MPPED2: variants seen among roughly 807,000 people sequenced by gnomAD.
The protein encoded by MPPED2 is metallophosphoesterase MPPED2.
MPPED2 carries 5 observed loss-of-function variants against 33.0 expected under a neutral mutation model. That is an observed-to-expected ratio of 0.15 (90% CI 0.08 to 0.32). The LOEUF is 0.32. MPPED2 is among the 10% of genes least tolerant of loss of function. MPPED2 has a pLI of 1.00. For missense variants in MPPED2, 275 were observed against 372.1 expected, an observed-to-expected ratio of 0.74 and a Z score of 2.15; for synonymous variants, 136 against 141.9, an observed-to-expected ratio of 0.96 and a Z score of 0.29.
chr11:30,397,798 G>A (rs1420501288), intron 6 of MPPED2, among the ~76,000 whole-genome samples: 1 of 152,120 alleles, frequency 6.6e-6, no homozygotes, highest in African/African-American at 2.4e-5. Flanking sequence ...TTGTCCTGCT[G>A]TTTTAACAAA....
chr11:30,527,221 C>T (rs1177131653), intron 3 of MPPED2, among the ~76,000 whole-genome samples: 1 of 152,068 alleles, frequency 6.6e-6, no homozygotes, highest in Non-Finnish European at 1.5e-5. Context: ...TGAGCCACCG[C>T]GCCCGGCCTC....
At chr11:30,573,443 C>G (rs533897774) in intron 2 of MPPED2, among the ~76,000 whole-genome samples, 28 of 152,198 alleles carry the variant, frequency 1.8e-4, no homozygotes, top group African/African-American at 6.0e-4. Flanking sequence ...ATTAAAAAAA[C>G]AAAAACAAAG....
intron 4 of MPPED2, among the ~76,000 whole-genome samples, chr11:30,418,555 G>A (rs1370796428): frequency 2.0e-5 from 3 of 152,190 alleles, no homozygotes; most frequent in Non-Finnish European, 4.4e-5. Context: ...CAAACATCTA[G>A]ATCTTATCAG....
intron 3 of MPPED2, among the ~76,000 whole-genome samples, chr11:30,515,396 T>G (rs1050764803): frequency 2.0e-5 from 3 of 152,230 alleles, no homozygotes; most frequent in Middle Eastern, 3.4e-3. Flanking sequence ...AGAATTTGAT[T>G]TAATAAGTCT....
chr11:30,464,084 C>T (rs969689511), intron 4 of MPPED2, among the ~76,000 whole-genome samples: 11 of 151,912 alleles, frequency 7.2e-5, no homozygotes, highest in African/African-American at 2.7e-4. Flanking sequence ...ATCTATGATA[C>T]CTTAATAACA....
At chr11:30,476,565 G>T (rs1951209952) in intron 4 of MPPED2, among the ~76,000 whole-genome samples, 1 of 151,782 alleles carries the variant, frequency 6.6e-6, no homozygotes, top group South Asian at 2.1e-4. Flanking sequence ...GTATATATAT[G>T]GGTCTGTTTC....
chr11:30,523,917 T>C (rs2134395592), intron 3 of MPPED2, among the ~76,000 whole-genome samples: 1 of 151,952 alleles, frequency 6.6e-6, no homozygotes, highest in Middle Eastern at 3.4e-3. Flanking sequence ...AAGTTCGAGG[T>C]GGGAACAAAC....
At chr11:30,576,677 A>G (rs966104978) in intron 2 of MPPED2, among the ~76,000 whole-genome samples, 1 of 151,856 alleles carries the variant, frequency 6.6e-6, no homozygotes, top group African/African-American at 2.4e-5. Context: ...ATACTAAATA[A>G]TTTTTCTTAT....
intron 4 of MPPED2, chr11:30,495,065 T>C: frequency 3.8e-6 from 2 of 522,694 alleles, no homozygotes; most frequent in South Asian, 2.5e-5. Flanking sequence ...CATGACTGTA[T>C]ATATCTAGGA....
chr11:30,584,569 C>CT (rs1200937682), intron 1 of MPPED2: 1 of 152,480 alleles, frequency 6.6e-6, no homozygotes, highest in African/African-American at 2.4e-5. Flanking sequence ...GGACGCCTAT[C>CT]TTTTTTCTCT....
intron 4 of MPPED2, among the ~76,000 whole-genome samples, chr11:30,461,380 T>C (rs1163479661): frequency 1.3e-5 from 2 of 152,156 alleles, no homozygotes; most frequent in Non-Finnish European, 2.9e-5. Flanking sequence ...TTTTATGTTA[T>C]GTATATTTTA....
intron 2 of MPPED2, among the ~76,000 whole-genome samples, chr11:30,539,727 C>G (rs1432349428): frequency 6.6e-6 from 1 of 152,092 alleles, no homozygotes; most frequent in Non-Finnish European, 1.5e-5. Context: ...CTCAAGCAAT[C>G]CTCCCACCGC....
At chr11:30,572,533 C>T (rs926823926) in intron 2 of MPPED2, among the ~76,000 whole-genome samples, 1 of 152,114 alleles carries the variant, frequency 6.6e-6, no homozygotes, top group African/African-American at 2.4e-5. Context: ...AGATTGAGAA[C>T]ATTTTACAAA....
chr11:30,486,157 C>A (rs548317777), intron 4 of MPPED2, among the ~76,000 whole-genome samples: 13 of 152,234 alleles, frequency 8.5e-5, no homozygotes, highest in Admixed American at 5.9e-4. Flanking sequence ...AACTTGTGAA[C>A]ACATCTGAGC....
intron 6 of MPPED2, among the ~76,000 whole-genome samples, chr11:30,400,034 G>T (rs889825475): frequency 6.6e-6 from 1 of 152,100 alleles, no homozygotes; most frequent in African/African-American, 2.4e-5. Flanking sequence ...TTTTTTAGGT[G>T]CAAGAAAGAT....
intron 4 of MPPED2, among the ~76,000 whole-genome samples, chr11:30,451,293 T>G: frequency 6.6e-6 from 1 of 152,204 alleles, no homozygotes; most frequent in East Asian, 1.9e-4. Context: ...CTGCTTTTGT[T>G]ACATTCGAGG....
At position 30,523,241 on chromosome 11, in the gene MPPED2, G is replaced by A. The variant is rs182952038; in HGVS notation, c.310+12753C>T. On this transcript the variant is annotated intron_variant, in intron 3 of 6. Coordinates refer to ENST00000358117, the MANE Select transcript of MPPED2 (RefSeq NM_001584.3). Reference sequence around the variant, plus strand: ...ATACAGCTTGAAGGGCCAGGAAAATGGCATTCAAAAACCCAGGGGACAGAT... The same window carrying A: ...ATACAGCTTGAAGGGCCAGGAAAATAGCATTCAAAAACCCAGGGGACAGAT... 3.3e-5 allele frequency among the ~76,000 whole-genome samples: 5 copies of A among 152,220 alleles called. No homozygotes were observed. In the East Asian group the frequency reaches 9.7e-4, roughly 29 times the overall value.
chr11:30,553,603 T>A (rs572706692), intron 2 of MPPED2, among the ~76,000 whole-genome samples: 67 of 152,322 alleles, frequency 4.4e-4, no homozygotes, highest in African/African-American at 1.4e-3. Context: ...TTGAAAATCT[T>A]CACCGTTCCT....
intron 1 of MPPED2, among the ~76,000 whole-genome samples, chr11:30,582,444 T>C (rs1212224251): frequency 6.6e-6 from 1 of 152,202 alleles, no homozygotes; most frequent in Non-Finnish European, 1.5e-5. Context: ...GTCTATTGTG[T>C]GAAATACTGA....
Sources: gnomAD v4.1 joint callset for allele counts (sites outside exome capture counted in the v4.1 genomes callset) on GRCh38, gnomAD v4.1.1 for gene constraint, MANE v1.5 for transcripts, NCBI Gene and HGNC (gene_info 2026-07-23, HGNC 2026-07-21) for gene names.